The following STIMATE variants were observed in gnomAD, a reference collection of about 807,000 sequenced individuals.
The protein encoded by STIMATE is STIM activating enhancer, also known as store-operated calcium entry regulator STIMATE.
Under a neutral mutation model 36.7 loss-of-function variants are expected in STIMATE, and 15 were observed. The observed-to-expected ratio is 0.41, with a 90% CI of 0.27 to 0.63. The LOEUF is 0.63. Among genes scored for constraint, STIMATE ranks in the 20% least tolerant of loss-of-function variants. The pLI is 0.32. For missense variants in STIMATE, 305 were observed against 397.3 expected, an observed-to-expected ratio of 0.77 and a Z score of 1.98; for synonymous variants, 163 against 162.3, an observed-to-expected ratio of 1.00 and a Z score of -0.03.
At chr3:52,884,056 G>C (rs186526711) in intron 1 of STIMATE, among the ~76,000 whole-genome samples, 3 of 152,242 alleles carry the variant, frequency 2.0e-5, no homozygotes, top group African/African-American at 7.2e-5. Context: ...TGGGCAAGCA[G>C]TGAACTCTGT....
At chr3:52,875,613 T>G (rs1261912034) in intron 1 of STIMATE, among the ~76,000 whole-genome samples, 1 of 152,210 alleles carries the variant, frequency 6.6e-6, no homozygotes, top group Non-Finnish European at 1.5e-5. Context: ...CTTTTGATGT[T>G]GTTTTCACTC....
chr3:52,840,999 C>G (rs577553682), intron 7 of STIMATE, among the ~76,000 whole-genome samples: 1 of 152,316 alleles, frequency 6.6e-6, no homozygotes, highest in Admixed American at 6.5e-5. Context: ...AGCCACCATG[C>G]CTTGCCAAGT....
chr3:52,888,838 ATGGT>A (rs1338225011), intron 1 of STIMATE, among the ~76,000 whole-genome samples: 5 of 152,330 alleles, frequency 3.3e-5, no homozygotes, highest in Middle Eastern at 3.4e-3. Context: ...ATGCCCATCA[ATGGT>A]TGGTGACTGG....
chr3:52,859,053 T>C (rs562510416), intron 1 of STIMATE, among the ~76,000 whole-genome samples: 1 of 151,528 alleles, frequency 6.6e-6, no homozygotes, highest in Non-Finnish European at 1.5e-5. Flanking sequence ...TCCCAGCTAT[T>C]TGGGAGGCAG....
chr3:52,891,833 T>C (rs1161117089), intron 1 of STIMATE, among the ~76,000 whole-genome samples: 1 of 152,226 alleles, frequency 6.6e-6, no homozygotes, highest in Non-Finnish European at 1.5e-5. Context: ...GAATACAATG[T>C]AATAACAAGG....
intron 4 of STIMATE, among the ~76,000 whole-genome samples, chr3:52,846,158 C>T (rs1700895848): frequency 6.6e-6 from 1 of 152,240 alleles, no homozygotes; most frequent in Non-Finnish European, 1.5e-5. Context: ...AGGCCATTCC[C>T]TTTTCTGGAA....
At chr3:52,879,769 T>C (rs1424800597) in intron 1 of STIMATE, among the ~76,000 whole-genome samples, 1 of 152,206 alleles carries the variant, frequency 6.6e-6, no homozygotes, top group Non-Finnish European at 1.5e-5. Flanking sequence ...TTTCTGCCCC[T>C]CTTGTCCTAT....
At chr3:52,865,870 A>G (rs1012594711) in intron 1 of STIMATE, among the ~76,000 whole-genome samples, 9 of 152,080 alleles carry the variant, frequency 5.9e-5, no homozygotes, top group African/African-American at 1.9e-4. Flanking sequence ...ACAACCACAC[A>G]GATGCACAGA....
At chr3:52,891,599 G>A (rs1284660771) in intron 1 of STIMATE, among the ~76,000 whole-genome samples, 6 of 152,136 alleles carry the variant, frequency 3.9e-5, no homozygotes, top group African/African-American at 7.2e-5. Flanking sequence ...TTTTGGCCAC[G>A]AAAGCCACCT....
intron 1 of STIMATE, among the ~76,000 whole-genome samples, chr3:52,873,505 G>C (rs1701444138): frequency 6.6e-6 from 1 of 152,164 alleles, no homozygotes; most frequent in African/African-American, 2.4e-5. Context: ...GCAATTCTCG[G>C]CTCCAGAACC....
At chr3:52,847,899 G>T (rs1273302030) in intron 4 of STIMATE, among the ~76,000 whole-genome samples, 2 of 152,160 alleles carry the variant, frequency 1.3e-5, no homozygotes, top group Middle Eastern at 3.2e-3. Flanking sequence ...TAAACCCAGC[G>T]ACTCTTGTTG....
At position 52,837,315 on chromosome 3, in the gene STIMATE, T is replaced by C. The variant is rs1700721085; in HGVS notation, c.*3179A>G. The stretch of plus-strand genomic sequence containing the variant: ...CTGCACCCTACAGGCTTACACTGTC[T>C]AAGGGAAGTCACAGCTTGGATTTGA... On this transcript the variant is annotated 3_prime_UTR_variant, in exon 8 of 8. Transcript: ENST00000355083. 6.6e-6 allele frequency: 1 copy of C among 152,338 alleles called. No homozygotes were observed. Among genetic ancestry groups the C allele is most frequent in the East Asian group, 1.9e-4 (1 of 5,206 alleles). The allele number at this position is 152,338 out of a possible 1,614,324, so 9.4% of individuals were successfully genotyped here. A position where few individuals can be genotyped will look rare whatever the true frequency, so the allele number is the denominator to read the frequency against.
chr3:52,874,116 A>G (rs1701459376), intron 1 of STIMATE, among the ~76,000 whole-genome samples: 1 of 152,230 alleles, frequency 6.6e-6, no homozygotes, highest in Non-Finnish European at 1.5e-5. Context: ...AAGAGCACTC[A>G]CTGCAGCATT....
intron 1 of STIMATE, among the ~76,000 whole-genome samples, chr3:52,883,022 G>A (rs71299622): frequency 0.068 from 10,282 of 152,210 alleles, 428 homozygotes; most frequent in Non-Finnish European, 0.094. Context: ...TCTTCCAAAC[G>A]TCTGTAACTT....
intron 4 of STIMATE, among the ~76,000 whole-genome samples, chr3:52,849,478 C>T (rs996943574): frequency 6.6e-6 from 1 of 152,198 alleles, no homozygotes; most frequent in Non-Finnish European, 1.5e-5. Flanking sequence ...ACGAAGAGTC[C>T]CTGCGGGCCT....
intron 1 of STIMATE, among the ~76,000 whole-genome samples, chr3:52,887,319 G>A (rs1279933943): frequency 1.3e-5 from 2 of 152,202 alleles, no homozygotes. Flanking sequence ...TGGACTGGAG[G>A]AGCATTTCGC....
chr3:52,895,705 C>T (rs988101638), intron 1 of STIMATE, among the ~76,000 whole-genome samples: 3 of 152,194 alleles, frequency 2.0e-5, no homozygotes, highest in African/African-American at 7.2e-5. Flanking sequence ...GTGTCAAACC[C>T]TAGGGGACAA....
intron 4 of STIMATE, among the ~76,000 whole-genome samples, chr3:52,845,912 G>A (rs1201008903): frequency 1.4e-5 from 2 of 143,582 alleles, no homozygotes; most frequent in Admixed American, 6.9e-5. Flanking sequence ...CAGAAGAGGG[G>A]GTACAGGGTA....
intron 7 of STIMATE, among the ~76,000 whole-genome samples, chr3:52,842,131 C>A (rs545753925): frequency 8.5e-4 from 130 of 152,378 alleles, no homozygotes; most frequent in South Asian, 5.4e-3. Context: ...CTGACAGCCT[C>A]TCCGGGGAAG....
Sources: gnomAD v4.1 joint callset for allele counts (sites outside exome capture counted in the v4.1 genomes callset) on GRCh38, gnomAD v4.1.1 for gene constraint, MANE v1.5 for transcripts, NCBI Gene and HGNC (gene_info 2026-07-23, HGNC 2026-07-21) for gene names.